ATP2B4: variants seen among roughly 807,000 people sequenced by gnomAD.
ATP2B4 encodes ATPase plasma membrane Ca2+ transporting 4.
ATP2B4 carries 39 observed loss-of-function variants against 110.3 expected under a neutral mutation model. The ratio of observed to expected loss-of-function variants is 0.35; its 90% confidence interval spans 0.27 to 0.46. The LOEUF (loss-of-function observed/expected upper bound fraction) is 0.46. Among genes scored for constraint, ATP2B4 ranks in the 20% least tolerant of loss-of-function variants. The pLI is 1.00. For synonymous variants in ATP2B4, 538 were observed against 571.7 expected (o/e 0.94, Z 0.84); for missense variants, 1,135 against 1,530.9 (o/e 0.74, Z 4.32).
intron 20 of ATP2B4, among the ~76,000 whole-genome samples, chr1:203,728,536 T>C (rs1221469979): frequency 6.6e-6 from 1 of 152,226 alleles, no homozygotes; most frequent in Non-Finnish European, 1.5e-5. Context: ...TTTCACTGTC[T>C]AAAACTGGCC....
At chr1:203,649,217 A>G (rs886536423) in intron 1 of ATP2B4, among the ~76,000 whole-genome samples, 2 of 152,204 alleles carry the variant, frequency 1.3e-5, no homozygotes, top group Non-Finnish European at 2.9e-5. Flanking sequence ...TCCACGCTGT[A>G]GAATGGGAGA....
chr1:203,650,877 G>T (rs1291999701), intron 1 of ATP2B4, among the ~76,000 whole-genome samples: 1 of 152,226 alleles, frequency 6.6e-6, no homozygotes, highest in Non-Finnish European at 1.5e-5. Context: ...TTTTTAAGTT[G>T]ATTGATATTT....
chr1:203,724,064 CA>C, intron 19 of ATP2B4, 76 bp downstream of exon 19: 1 of 1,273,320 alleles, frequency 7.9e-7, no homozygotes, highest in Non-Finnish European at 1.1e-6. Context: ...ATGGAACAAG[CA>C]ACGGTGGAGA....
intron 1 of ATP2B4, among the ~76,000 whole-genome samples, chr1:203,653,940 A>G (rs1664073158): frequency 1.4e-5 from 2 of 146,516 alleles, no homozygotes; most frequent in South Asian, 2.1e-4. Context: ...CAGCTCATCT[A>G]TTTACAGCAT....
In ATP2B4 at chr1:203,683,080, C is replaced by T. The variant is rs1665063354; in HGVS notation, c.-126C>T. 1.2e-5 allele frequency: 13 copies of T among 1,043,544 alleles called. No homozygotes were observed. The highest frequency in any genetic ancestry group is 1.7e-5 in the Non-Finnish European group (12 of 714,788). The allele number at this position is 1,043,544 out of a possible 1,614,324, so 64.6% of individuals were successfully genotyped here. ...TTGCACAAGATATATTCAATCTATT[C>T]CCTCACTGGGCCCCCAGAGAAGCAA... On this transcript the variant is annotated 5_prime_UTR_variant, in exon 2 of 21. Coordinates refer to ENST00000357681, the MANE Select transcript of ATP2B4 (RefSeq NM_001684.5).
intron 15 of ATP2B4, 142 bp from the exon 16 acceptor site, chr1:203,720,407 G>A (rs1237968712): frequency 2.6e-6 from 2 of 767,106 alleles, no homozygotes; most frequent in East Asian, 6.0e-5. Flanking sequence ...GAGTGACAGT[G>A]ACACATTTGC....
chr1:203,722,801 G>A, intron 18 of ATP2B4, 112 bp downstream of exon 18: 3 of 1,001,846 alleles, frequency 3.0e-6, no homozygotes, highest in Non-Finnish European at 4.4e-6. Context: ...TACGGGGACT[G>A]GAGCTGTAAG....
intron 2 of ATP2B4, among the ~76,000 whole-genome samples, chr1:203,688,621 C>A (rs2365858): frequency 6.6e-6 from 1 of 151,926 alleles, no homozygotes; most frequent in East Asian, 1.9e-4. Flanking sequence ...TGTTTTGATA[C>A]TGGCTTGTGT....
chr1:203,688,958 G>A (rs1409998214), intron 2 of ATP2B4, among the ~76,000 whole-genome samples: 1 of 152,178 alleles, frequency 6.6e-6, no homozygotes, highest in Non-Finnish European at 1.5e-5. Context: ...GGGACAATCT[G>A]AGCATTTTGC....
rs534932997 is a variant in ATP2B4, at chr1:203,740,231, C to G, written c.*377C>G. ...CCTACAAGTCTGTGCCATTTATAAG[C>G]TAAGTTGAGGGTTCAGAGGGAGACA... On this transcript the variant is annotated 3_prime_UTR_variant, in exon 21 of 21. Coordinates refer to ENST00000357681, the MANE Select transcript of ATP2B4 (RefSeq NM_001684.5). 5 of 203,254 alleles carry G rather than the reference C, an allele frequency of 2.5e-5. 1 individual carries two copies. In the South Asian group the frequency reaches 5.3e-4, roughly 22 times the overall value. The allele number at this position is 203,254 out of a possible 1,614,324, so 12.6% of individuals were successfully genotyped here. A position where few individuals can be genotyped will look rare whatever the true frequency, so the allele number is the denominator to read the frequency against.
At chr1:203,735,242 A>G (rs1412637602) in intron 20 of ATP2B4, among the ~76,000 whole-genome samples, 1 of 152,130 alleles carries the variant, frequency 6.6e-6, no homozygotes, top group Non-Finnish European at 1.5e-5. Flanking sequence ...CGGACTTGCA[A>G]TTGGAGTATT....
At chr1:203,673,753 C>T (rs1300456818) in intron 1 of ATP2B4, among the ~76,000 whole-genome samples, 1 of 152,168 alleles carries the variant, frequency 6.6e-6, no homozygotes, top group South Asian at 2.1e-4. Context: ...AGAGCAGCTG[C>T]CCCTGGTGCT....
intron 1 of ATP2B4, among the ~76,000 whole-genome samples, chr1:203,653,976 TATA>T (rs1553244298): frequency 5.9e-5 from 7 of 117,974 alleles, no homozygotes; most frequent in Admixed American, 1.0e-4. Context: ...TATATATATA[TATA>T]TATATATTTT....
intron 1 of ATP2B4, among the ~76,000 whole-genome samples, chr1:203,666,911 C>A (rs1435474466): frequency 6.6e-6 from 1 of 152,182 alleles, no homozygotes; most frequent in Admixed American, 6.5e-5. Flanking sequence ...TATTTCAGTG[C>A]TGTGTACTCA....
intron 2 of ATP2B4, 82 bp from the exon 3 acceptor site, chr1:203,698,075 T>C: frequency 5.0e-6 from 6 of 1,207,086 alleles, no homozygotes; most frequent in Non-Finnish European, 7.2e-6. Flanking sequence ...GACATGATCA[T>C]GGCTCACTGC....
At chr1:203,692,722 G>A (rs1300315474) in intron 2 of ATP2B4, among the ~76,000 whole-genome samples, 1 of 152,194 alleles carries the variant, frequency 6.6e-6, no homozygotes, top group East Asian at 1.9e-4. Context: ...TGCCTCTGCC[G>A]ATGTCGTTGG....
intron 1 of ATP2B4, among the ~76,000 whole-genome samples, chr1:203,679,321 C>T (rs114463141): frequency 1.0e-3 from 155 of 152,242 alleles, no homozygotes; most frequent in African/African-American, 3.6e-3. Context: ...GAAGTGGGGA[C>T]GTCATGATAT....
chr1:203,728,718 G>A (rs539386997), intron 20 of ATP2B4, among the ~76,000 whole-genome samples: 12 of 152,234 alleles, frequency 7.9e-5, no homozygotes, highest in Admixed American at 4.6e-4. Context: ...TTAGCCGGGC[G>A]TAGTGGCACA....
chr1:203,668,334 GCCACT>G (rs777460408), intron 1 of ATP2B4, among the ~76,000 whole-genome samples: 7 of 152,100 alleles, frequency 4.6e-5, no homozygotes, highest in African/African-American at 7.2e-5. Flanking sequence ...CCTCCATCAA[GCCACT>G]CCCCTATTTA....
Sources: allele counts gnomAD v4.1 joint callset (sites outside exome capture counted in the v4.1 genomes callset), GRCh38; gene constraint gnomAD v4.1.1; transcripts MANE v1.5; gene names NCBI Gene and HGNC (gene_info 2026-07-23, HGNC 2026-07-21).